STAM: variants seen among roughly 807,000 people sequenced by gnomAD.
STAM encodes the protein signal transducing adaptor molecule.
Under a neutral mutation model 63.4 loss-of-function variants are expected in STAM, and 16 were observed. That is an observed-to-expected ratio of 0.25 (90% CI 0.17 to 0.38). STAM has a LOEUF of 0.38. Among genes scored for constraint, STAM ranks in the 10% least tolerant of loss-of-function variants. The pLI is 1.00. For synonymous variants in STAM, 238 were observed against 223.9 expected (o/e 1.06, Z -0.56); for missense variants, 636 against 657.1 (o/e 0.97, Z 0.35).
rs574589749 is a variant in STAM, at chr10:17,678,321, C to T, written c.126-6354C>T. ...CCAGGCTAGAATGCAGCGGCACAAT[C>T]TCAGTTCACTGTAACCTGCACCTCC... On this transcript the variant is annotated intron_variant, in intron 2 of 13. Coordinates refer to ENST00000377524, the MANE Select transcript of STAM (RefSeq NM_003473.4). 5.3e-5 allele frequency among the ~76,000 whole-genome samples: 8 copies of T among 151,938 alleles called. No individual in the cohort carries two copies. The East Asian group carries it at 9.6e-4, about 18-fold the overall frequency.
chr10:17,699,090 T>G (rs1835881837), intron 8 of STAM, among the ~76,000 whole-genome samples: 1 of 152,222 alleles, frequency 6.6e-6, no homozygotes, highest in Non-Finnish European at 1.5e-5. Context: ...GTAAAATCAC[T>G]GGCACAGGCC....
intron 1 of STAM, among the ~76,000 whole-genome samples, chr10:17,657,654 A>G (rs1204036524): frequency 6.6e-6 from 1 of 152,212 alleles, no homozygotes; most frequent in Non-Finnish European, 1.5e-5. Flanking sequence ...GATGTGGGCC[A>G]TTTAGATTGT....
At chr10:17,644,506 C>A in intron 1 of STAM, 127 bp downstream of exon 1, 1 of 1,133,060 alleles carries the variant, frequency 8.8e-7, no homozygotes, top group Non-Finnish European at 1.3e-6. Context: ...TTTCCTGAGG[C>A]TCCCTCCTTC....
intron 2 of STAM, among the ~76,000 whole-genome samples, chr10:17,678,892 G>T (rs1462574983): frequency 6.6e-6 from 1 of 151,970 alleles, no homozygotes; most frequent in Non-Finnish European, 1.5e-5. Flanking sequence ...TTGTGCTTTT[G>T]TGTCAGACTT....
At position 17,695,254 on chromosome 10, in the gene STAM, T is replaced by C. The variant is rs1049313062; in HGVS notation, c.728+13T>C. ...TTCTTGATGACAGGTAATGTTAATA[T>C]TACATTTAAAATTTGTATGAAAGTG... On this transcript the variant is annotated intron_variant, in intron 7 of 13. Coordinates refer to ENST00000377524, the MANE Select transcript of STAM (RefSeq NM_003473.4). 3.7e-6 allele frequency: 6 copies of C among 1,607,914 alleles called. No homozygotes were observed. Among genetic ancestry groups the C allele is most frequent in the Non-Finnish European group, 5.1e-6 (6 of 1,176,244 alleles).
chr10:17,697,899 A>T (rs1268642345), intron 8 of STAM, among the ~76,000 whole-genome samples: 2 of 152,106 alleles, frequency 1.3e-5, no homozygotes, highest in African/African-American at 4.8e-5. Context: ...AAACCACAAG[A>T]TGCTTAGGTG....
intron 5 of STAM, among the ~76,000 whole-genome samples, chr10:17,692,587 A>G (rs1241150123): frequency 6.6e-6 from 1 of 152,248 alleles, no homozygotes; most frequent in Non-Finnish European, 1.5e-5. Context: ...CACAGAGCCC[A>G]TAGGCTTAGA....
At chr10:17,691,165 G>GTTGTTTTC (rs1835514184) in intron 5 of STAM, among the ~76,000 whole-genome samples, 4 of 152,210 alleles carry the variant, frequency 2.6e-5, no homozygotes, top group Non-Finnish European at 5.9e-5. Flanking sequence ...TCAGAATTGA[G>GTTGTTTTC]AGTGTTTAAA....
intron 2 of STAM, among the ~76,000 whole-genome samples, chr10:17,679,717 G>C (rs1249512284): frequency 2.0e-5 from 3 of 151,414 alleles, no homozygotes; most frequent in South Asian, 2.1e-4. Flanking sequence ...TTGTTACATA[G>C]GTCTATTCAG....
chr10:17,680,362 C>T (rs1381435424), intron 2 of STAM, among the ~76,000 whole-genome samples: 1 of 151,900 alleles, frequency 6.6e-6, no homozygotes, highest in African/African-American at 2.4e-5. Flanking sequence ...ATTCGCTGCT[C>T]CCCAGGCCCC....
chr10:17,644,223 C>A lies in STAM; in HGVS notation c.-117C>A, dbSNP rs1318603957. The A allele has an allele frequency of 9.0e-7, 1 of 1,115,510 alleles. No homozygotes were observed. The highest frequency in any genetic ancestry group is 1.3e-6 in the Non-Finnish European group (1 of 747,746). 69.1% of individuals were successfully genotyped at this position (1,115,510 alleles called of 1,614,324 possible). A position where few individuals can be genotyped will look rare whatever the true frequency, so the allele number is the denominator to read the frequency against. On this transcript the variant is annotated 5_prime_UTR_variant, in exon 1 of 14. Coordinates refer to ENST00000377524, the MANE Select transcript of STAM (RefSeq NM_003473.4). ...GGTGAGAGGAGGAGCTGTCGCGGAC[C>A]CTGTAGAGTCGGTCTCTGTTGCTCT...
At chr10:17,703,345 T>A (rs1589106325) in intron 9 of STAM, among the ~76,000 whole-genome samples, 1 of 151,820 alleles carries the variant, frequency 6.6e-6, no homozygotes, top group Non-Finnish European at 1.5e-5. Flanking sequence ...TTTTTTTTTT[T>A]AGCATACTTA....
intron 9 of STAM, among the ~76,000 whole-genome samples, chr10:17,703,023 A>AAAAAAGAAAAG (rs1554828727): frequency 3.5e-5 from 4 of 114,214 alleles, no homozygotes; most frequent in African/African-American, 1.3e-4. Flanking sequence ...AAAAAAAAAA[A>AAAAAAGAAAAG]AAAAGAAAAG....
At chr10:17,705,502 A>G (rs565024746) in intron 11 of STAM, 86 bp from the exon 12 acceptor site, 1 of 1,456,146 alleles carries the variant, frequency 6.9e-7, no homozygotes, top group African/African-American at 1.4e-5. Flanking sequence ...ACTTTTTGCC[A>G]TTTTTGATAT....
At chr10:17,708,700 A>T in intron 12 of STAM, 76 bp from the exon 13 acceptor site, 2 of 1,362,044 alleles carry the variant, frequency 1.5e-6, no homozygotes, top group African/African-American at 2.9e-5. Flanking sequence ...TTTGTAACTG[A>T]ATACCTCTAC....
intron 2 of STAM, among the ~76,000 whole-genome samples, chr10:17,663,554 C>T (rs1044921103): frequency 6.6e-6 from 1 of 151,896 alleles, no homozygotes; most frequent in Admixed American, 6.6e-5. Context: ...TCCTTCCCTC[C>T]TTTTTCTTCT....
chr10:17,714,523 G>C lies in STAM; in HGVS notation c.1386-20G>C. 1 of 1,604,464 alleles carries C rather than the reference G, an allele frequency of 6.2e-7. No homozygotes were observed. Among genetic ancestry groups the C allele is most frequent in the Non-Finnish European group, 8.5e-7 (1 of 1,171,314 alleles). On this transcript the variant is annotated intron_variant, in intron 13 of 13. Transcript: ENST00000377524. ...TATAAATCAGTATTGATGTAATTGAGTGTTTTTCTTCCTCCACAGTACAAT... is the reference window on the plus strand; with the variant it reads ...TATAAATCAGTATTGATGTAATTGACTGTTTTTCTTCCTCCACAGTACAAT...
rs551723976 is a variant in STAM, at chr10:17,696,707, C to G, written c.729-68C>G. Reference sequence around the variant, plus strand: ...TTGTAATAGTGTAAGTTGAATACTACAAAAGATAAAGATGTACAGAAATAA... The same window carrying G: ...TTGTAATAGTGTAAGTTGAATACTAGAAAAGATAAAGATGTACAGAAATAA... On this transcript the variant is annotated intron_variant, in intron 7 of 13. Coordinates refer to ENST00000377524, the MANE Select transcript of STAM (RefSeq NM_003473.4). 5.8e-6 allele frequency: 7 copies of G among 1,197,092 alleles called. No individual in the cohort carries two copies. In the South Asian group the frequency reaches 9.3e-5, roughly 16 times the overall value. The allele number at this position is 1,197,092 out of a possible 1,614,324, so 74.2% of individuals were successfully genotyped here.
In STAM at chr10:17,705,026, T is replaced by TA. The variant is rs1225958748; in HGVS notation, c.1055+6dup. 7 of 1,612,644 alleles carry TA rather than the reference T, an allele frequency of 4.3e-6. No individual in the cohort carries two copies. Among genetic ancestry groups the TA allele is most frequent in the South Asian group, 2.2e-5 (2 of 90,914 alleles). On this transcript the variant is annotated splice_region_variant and intron_variant, in intron 11 of 13. Transcript: ENST00000377524. ...TGAAAAGCTGGAAGATATTGATAGG[T>TA]AAAAGAACATGGGTGCATTTATGTT...
Sources: gnomAD v4.1 joint callset for allele counts (sites outside exome capture counted in the v4.1 genomes callset) on GRCh38, gnomAD v4.1.1 for gene constraint, MANE v1.5 for transcripts, NCBI Gene and HGNC (gene_info 2026-07-23, HGNC 2026-07-21) for gene names.